The following TIAM1 variants were observed in gnomAD, a reference collection of about 807,000 sequenced individuals.
TIAM1 encodes TIAM Rac1 associated GEF 1.
In TIAM1, 65 loss-of-function variants were observed where a neutral mutation model predicts 163.5. The ratio of observed to expected loss-of-function variants is 0.40; its 90% CI spans 0.33 to 0.49. TIAM1 has a LOEUF of 0.49. Ranked by LOEUF, TIAM1 falls within the 20% of genes least tolerant of loss-of-function variation. TIAM1 has a pLI of 0.77. For synonymous variants in TIAM1, 833 were observed against 810.1 expected (o/e 1.03, Z -0.48); for missense variants, 1,789 against 2,044.7 (o/e 0.87, Z 2.41).
At chr21:31,474,932 C>T (rs1436736575) in intron 1 of TIAM1, among the ~76,000 whole-genome samples, 2 of 151,962 alleles carry the variant, frequency 1.3e-5, no homozygotes, top group African/African-American at 4.8e-5. Context: ...TTTCCAGCTT[C>T]CTGCAGCCGG....
intron 1 of TIAM1, among the ~76,000 whole-genome samples, chr21:31,554,383 A>G (rs111668250): frequency 3.3e-5 from 5 of 152,178 alleles, no homozygotes; most frequent in Non-Finnish European, 7.3e-5. Flanking sequence ...CTTAAAACCA[A>G]AGACACTTCC....
chr21:31,175,200 C>G lies in TIAM1; in HGVS notation c.2887+7221G>C, dbSNP rs549322448. 2.0e-5 allele frequency among the ~76,000 whole-genome samples: 3 copies of G among 152,310 alleles called. No homozygotes were observed. In the East Asian group the frequency reaches 5.8e-4, roughly 29 times the overall value. On this transcript the variant is annotated intron_variant, in intron 15 of 27. Transcript: ENST00000541036. ...TCAAGTAATCCTCCCGCCTCAGCCT[C>G]CCAAAGTGGTGGGATTACACGTGTG...
At chr21:31,277,339 A>G (rs961443956) in intron 2 of TIAM1, among the ~76,000 whole-genome samples, 2 of 152,198 alleles carry the variant, frequency 1.3e-5, no homozygotes, top group Non-Finnish European at 2.9e-5. Flanking sequence ...AAATTACCTT[A>G]TATGGTCTAG....
intron 18 of TIAM1, 142 bp downstream of exon 18, chr21:31,152,924 C>T: frequency 4.0e-6 from 5 of 1,259,528 alleles, no homozygotes; most frequent in Non-Finnish European, 5.5e-6. Context: ...CACACCAAAG[C>T]TTAGCAGGCA....
At chr21:31,389,092 G>C (rs1305392006) in intron 2 of TIAM1, among the ~76,000 whole-genome samples, 1 of 152,124 alleles carries the variant, frequency 6.6e-6, no homozygotes, top group East Asian at 1.9e-4. Flanking sequence ...GAATGGGTGT[G>C]GCTACATTCC....
chr21:31,211,244 C>G (rs1007688143), intron 10 of TIAM1, among the ~76,000 whole-genome samples: 1 of 152,076 alleles, frequency 6.6e-6, no homozygotes, highest in Non-Finnish European at 1.5e-5. Flanking sequence ...CTGGGTTAAA[C>G]CTAAGCAAGC....
chr21:31,307,808 C>T (rs2074772753), intron 2 of TIAM1, among the ~76,000 whole-genome samples: 1 of 152,078 alleles, frequency 6.6e-6, no homozygotes, highest in East Asian at 1.9e-4. Context: ...AGGAAGAAGA[C>T]ACTGGAGAGG....
At chr21:31,409,844 C>T (rs2077315115) in intron 2 of TIAM1, among the ~76,000 whole-genome samples, 1 of 151,890 alleles carries the variant, frequency 6.6e-6, no homozygotes, top group African/African-American at 2.4e-5. Flanking sequence ...TCCCCAAAAG[C>T]AATGAGAGCT....
chr21:31,547,748 C>T (rs1444840375), intron 1 of TIAM1, among the ~76,000 whole-genome samples: 1 of 152,136 alleles, frequency 6.6e-6, no homozygotes, highest in Non-Finnish European at 1.5e-5. Context: ...ACACTTGGAA[C>T]GTTTTCTGAA....
intron 2 of TIAM1, among the ~76,000 whole-genome samples, chr21:31,324,811 A>C (rs1237697262): frequency 6.6e-6 from 1 of 152,220 alleles, no homozygotes; most frequent in Non-Finnish European, 1.5e-5. Flanking sequence ...CAACAAAATC[A>C]TTTCTTTAAG....
intron 14 of TIAM1, among the ~76,000 whole-genome samples, chr21:31,184,304 C>T (rs1217770699): frequency 6.6e-6 from 1 of 152,146 alleles, no homozygotes; most frequent in Non-Finnish European, 1.5e-5. Context: ...CAGGGTTTCA[C>T]CATGTTAGCC....
At chr21:31,124,833 T>A in intron 26 of TIAM1, 139 bp from the exon 27 acceptor site, 1 of 651,798 alleles carries the variant, frequency 1.5e-6, no homozygotes, top group Non-Finnish European at 2.5e-6. Context: ...ATTTCTATGC[T>A]GAGCGGTGAT....
intron 2 of TIAM1, among the ~76,000 whole-genome samples, chr21:31,430,401 TG>T (rs2043985223): frequency 6.6e-6 from 1 of 151,382 alleles, no homozygotes; most frequent in Non-Finnish European, 1.5e-5. Flanking sequence ...GCAGCACCCA[TG>T]GAATAGGAAA....
intron 1 of TIAM1, among the ~76,000 whole-genome samples, chr21:31,509,496 C>T (rs2047140219): frequency 6.6e-6 from 1 of 152,186 alleles, no homozygotes; most frequent in Non-Finnish European, 1.5e-5. Context: ...CTCATCACTG[C>T]ACCTCCTCCG....
At chr21:31,216,475 T>C (rs2087220099) in intron 9 of TIAM1, among the ~76,000 whole-genome samples, 1 of 152,150 alleles carries the variant, frequency 6.6e-6, no homozygotes, top group Non-Finnish European at 1.5e-5. Context: ...TCCGAAAGAC[T>C]ACAGATGCTC....
chr21:31,524,490 A>T (rs538777236), intron 1 of TIAM1, among the ~76,000 whole-genome samples: 1 of 152,294 alleles, frequency 6.6e-6, no homozygotes, highest in Non-Finnish European at 1.5e-5. Flanking sequence ...GGGACATCCA[A>T]CTATATTAGC....
chr21:31,452,162 T>G (rs1462188545), intron 2 of TIAM1, among the ~76,000 whole-genome samples: 1 of 152,198 alleles, frequency 6.6e-6, no homozygotes, highest in Non-Finnish European at 1.5e-5. Context: ...ACTCCTCTGA[T>G]TATATTTCAT....
intron 3 of TIAM1, among the ~76,000 whole-genome samples, chr21:31,271,261 T>C (rs763281769): frequency 3.4e-5 from 5 of 149,196 alleles, no homozygotes; most frequent in Non-Finnish European, 7.4e-5. Context: ...AATACTGGAA[T>C]GAATGAATGA....
At chr21:31,137,427 C>T (rs2082664587) in intron 22 of TIAM1, among the ~76,000 whole-genome samples, 1 of 152,078 alleles carries the variant, frequency 6.6e-6, no homozygotes, top group Non-Finnish European at 1.5e-5. Flanking sequence ...ACTCATCAAC[C>T]AAACCCCCAG....
Sources: gnomAD v4.1 joint callset for allele counts (sites outside exome capture counted in the v4.1 genomes callset) on GRCh38, gnomAD v4.1.1 for gene constraint, MANE v1.5 for transcripts, NCBI Gene and HGNC (gene_info 2026-07-23, HGNC 2026-07-21) for gene names.